Variants in PTPRC observed in about 807,000 individuals in gnomAD.
PTPRC encodes receptor-type tyrosine-protein phosphatase C.
Under a neutral mutation model 155.9 loss-of-function variants are expected in PTPRC, and 44 were observed. The ratio of observed to expected loss-of-function variants is 0.28; its 90% CI spans 0.22 to 0.36. The LOEUF (loss-of-function observed/expected upper bound fraction) is 0.36. Ranked by LOEUF, PTPRC falls within the 10% of genes least tolerant of loss-of-function variation. The pLI is 1.00. For missense variants in PTPRC, 1,401 were observed against 1,564.6 expected (o/e 0.90, Z 1.76); for synonymous variants, 525 against 533.1 (o/e 0.98, Z 0.21).
At chr1:198,684,743 T>C (rs1168648420) in intron 2 of PTPRC, among the ~76,000 whole-genome samples, 1 of 152,044 alleles carries the variant, frequency 6.6e-6, no homozygotes, top group South Asian at 2.1e-4. Flanking sequence ...TTTTATAACC[T>C]CTTGCTCTTT....
chr1:198,755,665 G>A (rs1004479874), intron 32 of PTPRC, among the ~76,000 whole-genome samples: 5 of 152,038 alleles, frequency 3.3e-5, no homozygotes, highest in African/African-American at 7.2e-5. Flanking sequence ...GCCCATGAGC[G>A]GAGTGAACAC....
intron 2 of PTPRC, chr1:198,679,911 G>T: frequency 1.6e-6 from 1 of 607,226 alleles, no homozygotes; most frequent in Non-Finnish European, 2.9e-6. Context: ...TGTTAACCTA[G>T]GTGGGCGTCA....
At position 198,742,420 on chromosome 1, in the gene PTPRC, C is replaced by T. The variant is rs534657126; in HGVS notation, c.2697+53C>T. ...TCACTTTGGTTTTTTGGACTTAAAT[C>T]TTTTCCAAGTGATAATAATGATATT... is the stretch of plus-strand genomic sequence containing the variant. On this transcript the variant is annotated intron_variant, in intron 25 of 32. Transcript: ENST00000442510. 45 of 1,591,194 alleles carry T rather than the reference C, an allele frequency of 2.8e-5. No homozygotes were observed. The African/African-American group carries it at 4.0e-4, about 14-fold the overall frequency.
At chr1:198,735,881 A>G (rs757578244) in intron 23 of PTPRC, among the ~76,000 whole-genome samples, 12 of 151,580 alleles carry the variant, frequency 7.9e-5, no homozygotes, top group African/African-American at 2.4e-4. Context: ...GCAAATAAGA[A>G]CAGGCTTTCA....
chr1:198,732,500 C>T lies in PTPRC; in HGVS notation c.2086C>T (p.Leu696Phe), dbSNP rs1003000820. 1.2e-6 allele frequency: 2 copies of T among 1,611,050 alleles called. No individual in the cohort carries two copies. Among genetic ancestry groups the T allele is most frequent in the Non-Finnish European group, 1.7e-6 (2 of 1,178,264 alleles). ...AACAGATGATTATAACCGTGTTGAA[C>T]TCTCTGAGATAAACGGAGATGCAGG... The part of the protein sequence containing the change: ...ILPYDYNRVE[L>F]SEINGDAGSN... The change falls in exon 20 of 33, where the codon CTC becomes TTC. Residue 696 changes from leucine to phenylalanine, a missense_variant. Physicochemically the swap from Leu to Phe is conservative, Grantham distance 22. This residue lies in a region of PTPRC where 867 missense variants were observed against 970.4 expected (regional missense o/e 0.89). Transcript: ENST00000442510.
chr1:198,703,701 G>A, intron 7 of PTPRC: 1 of 381,432 alleles, frequency 2.6e-6, no homozygotes, highest in Non-Finnish European at 4.9e-6. Context: ...TGCAAGTGGT[G>A]AGCATCAGAC....
intron 12 of PTPRC, among the ~76,000 whole-genome samples, chr1:198,716,338 A>C (rs1057166212): frequency 6.6e-5 from 10 of 152,258 alleles, no homozygotes; most frequent in African/African-American, 2.4e-5. Flanking sequence ...ATTCTGAAAC[A>C]TGCAACTCAA....
chr1:198,648,557 T>C (rs996428728), intron 2 of PTPRC, among the ~76,000 whole-genome samples: 1 of 151,816 alleles, frequency 6.6e-6, no homozygotes, highest in East Asian at 1.9e-4. Context: ...GCTGGTAATT[T>C]CTCAGAGGTT....
Position 198,718,176 on chromosome 1 carries a change from T to A in PTPRC, c.1533T>A (p.Arg511=). The part of the protein sequence containing the change: ...MHVKCRPPRD[R]NGPHERYHLE... ...TCAAGTGTAGGCCTCCCAGGGACCG[T>A]AATGGCCCCCATGAACGTTACCATT... The change falls in exon 14 of 33, where the codon CGT becomes CGA. Residue 511 remains arginine (R), a synonymous_variant. Coordinates refer to ENST00000442510, the MANE Select transcript of PTPRC (RefSeq NM_002838.5). The A allele has an allele frequency of 2.5e-6, 4 of 1,613,672 alleles. No individual in the cohort carries two copies. Among genetic ancestry groups the A allele is most frequent in the Non-Finnish European group, 3.4e-6 (4 of 1,179,576 alleles).
In PTPRC at chr1:198,696,860, C is replaced by A; in HGVS notation, c.249C>A (p.Thr83=). The A allele has an allele frequency of 1.2e-6, 2 of 1,614,044 alleles. No individual in the cohort carries two copies. The highest frequency in any genetic ancestry group is 1.7e-6 in the Non-Finnish European group (2 of 1,179,948). The change falls in exon 4 of 33, where the codon ACC becomes ACA. Residue 83 remains threonine, a synonymous_variant. Transcript: ENST00000442510. The part of the protein sequence containing the change: ...TTSLSPDNTS[T]QVSPDSLDNA... Reference sequence around the variant, plus strand: ...CTCTTAGTCCAGACAATACTTCCACCCAAGTATCCCCGGACTCTTTGGATA... The same window carrying A: ...CTCTTAGTCCAGACAATACTTCCACACAAGTATCCCCGGACTCTTTGGATA...
intron 4 of PTPRC, among the ~76,000 whole-genome samples, chr1:198,698,479 G>T (rs1347618033): frequency 6.6e-6 from 1 of 151,968 alleles, no homozygotes; most frequent in Non-Finnish European, 1.5e-5. Flanking sequence ...GCTGAATGCA[G>T]TCAATTTTTT....
chr1:198,659,545 A>AT (rs61007845), intron 2 of PTPRC, among the ~76,000 whole-genome samples: 3,854 of 141,026 alleles, frequency 0.027, 149 homozygotes, highest in African/African-American at 0.084. Flanking sequence ...ATACATATAT[A>AT]TTTTTTTTTT....
At chr1:198,714,533 A>G (rs904020383) in intron 12 of PTPRC, among the ~76,000 whole-genome samples, 6 of 152,180 alleles carry the variant, frequency 3.9e-5, no homozygotes, top group South Asian at 2.1e-4. Context: ...GCTAGCTATC[A>G]GGCTGTGTGT....
At chr1:198,716,649 G>C (rs769796612) in intron 12 of PTPRC, 33 bp from the exon 13 acceptor site, 1 of 1,597,550 alleles carries the variant, frequency 6.3e-7, no homozygotes, top group Non-Finnish European at 8.6e-7. Context: ...GACTTTTAAC[G>C]ACTTACTAAT....
At chr1:198,739,371 TAAG>T (rs1654793181) in intron 23 of PTPRC, among the ~76,000 whole-genome samples, 1 of 151,630 alleles carries the variant, frequency 6.6e-6, no homozygotes, top group African/African-American at 2.4e-5. Flanking sequence ...AGACTTAAAA[TAAG>T]AGATGGAAAA....
chr1:198,744,649 G>A lies in PTPRC; in HGVS notation c.2847+446G>A, dbSNP rs573690529. ...GACACACAGTAAAGGATAAGTACAT[G>A]TGTCTTAACCTATTTATTAGGCAAT... On this transcript the variant is annotated intron_variant, in intron 26 of 32. Transcript: ENST00000442510. 7.2e-5 allele frequency among the ~76,000 whole-genome samples: 11 copies of A among 151,976 alleles called. No homozygotes were observed. In the South Asian group the frequency reaches 2.3e-3, roughly 32 times the overall value.
At chr1:198,744,745 C>G (rs2102524270) in intron 26 of PTPRC, among the ~76,000 whole-genome samples, 1 of 151,942 alleles carries the variant, frequency 6.6e-6, no homozygotes, top group Non-Finnish European at 1.5e-5. Flanking sequence ...CCTCAAATTG[C>G]TCAGTTGTCA....
chr1:198,691,507 A>T (rs556131887), intron 2 of PTPRC, among the ~76,000 whole-genome samples: 1 of 151,794 alleles, frequency 6.6e-6, no homozygotes, highest in African/African-American at 2.4e-5. Flanking sequence ...GTAGGACATC[A>T]TCTCTGTCTG....
chr1:198,712,633 C>A (rs1653370262), intron 11 of PTPRC, among the ~76,000 whole-genome samples: 1 of 152,070 alleles, frequency 6.6e-6, no homozygotes, highest in African/African-American at 2.4e-5. Flanking sequence ...ACAGCAAAAT[C>A]TACAAATTCC....
Sources: gnomAD v4.1 joint callset for allele counts (sites outside exome capture counted in the v4.1 genomes callset) on GRCh38, gnomAD v4.1.1 for gene constraint, gnomAD v4.1.1 regional missense constraint, MANE v1.5 for transcripts, NCBI Gene and HGNC (gene_info 2026-07-23, HGNC 2026-07-21) for gene names.